The following IL36B variants were observed in gnomAD, a reference collection of about 807,000 sequenced individuals.
IL36B encodes interleukin 36 beta, also known as interleukin-36 beta.
A neutral mutation model predicts 19.3 loss-of-function variants in IL36B; 23 were observed. That is an observed-to-expected ratio of 1.19 (90% CI 0.86 to 1.69). The LOEUF is 1.69. Among genes scored for constraint, IL36B ranks in the 40% most tolerant of loss-of-function variants. IL36B has a pLI of 0.00. For synonymous variants in IL36B, 59 were observed against 59.7 expected, an observed-to-expected ratio of 0.99 and a Z score of 0.05; for missense variants, 217 against 200.5, an observed-to-expected ratio of 1.08 and a Z score of -0.50.
chr2:113,041,818 T>C (rs1406327327), intron 1 of IL36B, among the ~76,000 whole-genome samples: 2 of 152,162 alleles, frequency 1.3e-5, no homozygotes, highest in African/African-American at 4.8e-5. Flanking sequence ...ACAGGTGCAA[T>C]CACAGTGCAA....
intron 1 of IL36B, among the ~76,000 whole-genome samples, chr2:113,033,731 C>T (rs1685119397): frequency 6.6e-6 from 1 of 152,130 alleles, no homozygotes; most frequent in Admixed American, 6.5e-5. Context: ...ACTGCACTAG[C>T]CGGAACACAG....
At position 113,022,225 on chromosome 2, in the gene IL36B, T is replaced by A. The variant is rs1684874452; in HGVS notation, c.*449A>T. On this transcript the variant is annotated 3_prime_UTR_variant, in exon 6 of 6. Coordinates refer to ENST00000259213, the MANE Select transcript of IL36B (RefSeq NM_014438.5). Reference sequence around the variant, plus strand: ...AAACAGAGCGTTTCACTCCTCATGCTCTAGTGAATAATTGCACATTATGTA... The same window carrying A: ...AAACAGAGCGTTTCACTCCTCATGCACTAGTGAATAATTGCACATTATGTA... 1.3e-5 allele frequency: 2 copies of A among 153,782 alleles called. No homozygotes were observed. Among genetic ancestry groups the A allele is most frequent in the Non-Finnish European group, 2.9e-5 (2 of 69,152 alleles). The allele number at this position is 153,782 out of a possible 1,614,324, so 9.5% of individuals were successfully genotyped here. A position where few individuals can be genotyped will look rare whatever the true frequency, so the allele number is the denominator to read the frequency against.
chr2:113,027,065 T>C (rs976145039), intron 4 of IL36B, among the ~76,000 whole-genome samples: 4 of 152,208 alleles, frequency 2.6e-5, no homozygotes, highest in Non-Finnish European at 5.9e-5. Context: ...GTTATATGTA[T>C]TATATAATGT....
intron 4 of IL36B, among the ~76,000 whole-genome samples, chr2:113,027,230 A>G (rs1032392175): frequency 3.9e-5 from 6 of 152,094 alleles, no homozygotes; most frequent in Non-Finnish European, 7.4e-5. Flanking sequence ...AAGAGGAGGG[A>G]TTGTTTTTGC....
chr2:113,024,981 C>T (rs1573363697), intron 5 of IL36B, among the ~76,000 whole-genome samples: 1 of 152,274 alleles, frequency 6.6e-6, no homozygotes, highest in Middle Eastern at 3.4e-3. Context: ...TGGTGAATTT[C>T]CCTGGGCTCC....
intron 5 of IL36B, among the ~76,000 whole-genome samples, chr2:113,024,719 A>G (rs1684922374): frequency 6.6e-6 from 1 of 152,166 alleles, no homozygotes; most frequent in Admixed American, 6.5e-5. Context: ...TCTCTTGCTC[A>G]TGTTCAGTGC....
intron 1 of IL36B, among the ~76,000 whole-genome samples, chr2:113,036,369 T>TC (rs969331997): frequency 6.7e-6 from 1 of 149,894 alleles, no homozygotes; most frequent in Non-Finnish European, 1.5e-5. Flanking sequence ...TTTTTTTTTT[T>TC]CATGAAGTGG....
chr2:113,031,286 G>A, intron 2 of IL36B, 131 bp from the exon 3 acceptor site: 4 of 674,232 alleles, frequency 5.9e-6, no homozygotes, highest in Admixed American at 4.4e-5. Flanking sequence ...TGGCTATAAC[G>A]ATAAATGGAG....
intron 3 of IL36B, among the ~76,000 whole-genome samples, 169 bp downstream of exon 3, chr2:113,030,879 C>A (rs959863783): frequency 6.6e-6 from 1 of 152,090 alleles, no homozygotes; most frequent in Non-Finnish European, 1.5e-5. Flanking sequence ...ATGGGATTTC[C>A]TTTGTGGAAG....
At chr2:113,039,031 A>G (rs539108248) in intron 1 of IL36B, among the ~76,000 whole-genome samples, 2 of 152,080 alleles carry the variant, frequency 1.3e-5, no homozygotes, top group African/African-American at 4.8e-5. Context: ...TCTGTCCTTT[A>G]AGTTTAAGGG....
rs1685075791 is a variant in IL36B at position 113,031,522 on chromosome 2, T to A, written c.13+175A>T. ...ATAAACAAGCAATTCTAAATACAGATAATAATAAAAGAGCTAGGTGCCCCG... is the reference window on the plus strand; with the variant it reads ...ATAAACAAGCAATTCTAAATACAGAAAATAATAAAAGAGCTAGGTGCCCCG... On this transcript the variant is annotated intron_variant, in intron 2 of 5. Transcript: ENST00000259213. 2.0e-5 allele frequency among the ~76,000 whole-genome samples: 3 copies of A among 152,200 alleles called. No homozygotes were observed. In the South Asian group the frequency reaches 6.2e-4, roughly 32 times the overall value.
intron 1 of IL36B, among the ~76,000 whole-genome samples, chr2:113,043,246 T>C (rs1230255514): frequency 2.6e-5 from 4 of 152,170 alleles, no homozygotes; most frequent in Non-Finnish European, 5.9e-5. Flanking sequence ...CTTTTCATTC[T>C]CTGAATAGAA....
Position 113,039,439 on chromosome 2 carries a change from T to C in IL36B, c.-57-7673A>G, listed in dbSNP as rs1685209648. ...GTTTAGTTAAGTCAAGGAGAACTGA[T>C]AAAATAGAGTTTACAATATTACAGT... On this transcript the variant is annotated intron_variant, in intron 1 of 5. Transcript: ENST00000259213. Among the ~76,000 whole-genome samples the C allele has an allele frequency of 2.0e-5, 3 of 152,178 alleles. No individual in the cohort carries two copies. In the South Asian group the frequency reaches 6.2e-4, roughly 32 times the overall value.
intron 1 of IL36B, among the ~76,000 whole-genome samples, chr2:113,042,822 G>A (rs1573375426): frequency 2.6e-5 from 4 of 152,186 alleles, no homozygotes; most frequent in Admixed American, 2.6e-4. Context: ...TGGAATGGCT[G>A]GATCATAGGG....
intron 4 of IL36B, chr2:113,026,266 A>T (rs1684959759): frequency 6.2e-7 from 1 of 1,612,374 alleles, no homozygotes; most frequent in East Asian, 2.2e-5. Context: ...TTGCTGAGAT[A>T]ATACACTGCC....
At chr2:113,028,445 T>C (rs1191388833) in intron 4 of IL36B, among the ~76,000 whole-genome samples, 1 of 152,232 alleles carries the variant, frequency 6.6e-6, no homozygotes, top group Non-Finnish European at 1.5e-5. Context: ...TCTTGCTGCA[T>C]TCTCAACCTC....
intron 1 of IL36B, among the ~76,000 whole-genome samples, chr2:113,047,857 A>G (rs1180556480): frequency 6.6e-6 from 1 of 152,226 alleles, no homozygotes; most frequent in Admixed American, 6.5e-5. Flanking sequence ...ACCAATATAA[A>G]TATATAATGG....
intron 1 of IL36B, among the ~76,000 whole-genome samples, chr2:113,048,352 GA>G (rs1447598435): frequency 1.3e-5 from 2 of 152,192 alleles, no homozygotes; most frequent in African/African-American, 4.8e-5. Flanking sequence ...TGAGGCAGGA[GA>G]ATTGCTTGAA....
At chr2:113,045,461 T>C (rs906597265) in intron 1 of IL36B, among the ~76,000 whole-genome samples, 1 of 152,218 alleles carries the variant, frequency 6.6e-6, no homozygotes, top group South Asian at 2.1e-4. Flanking sequence ...TTTCTTCATA[T>C]TTCATGTGCA....
Sources: allele counts gnomAD v4.1 joint callset (sites outside exome capture counted in the v4.1 genomes callset), GRCh38; gene constraint gnomAD v4.1.1; transcripts MANE v1.5; gene names NCBI Gene and HGNC (gene_info 2026-07-23, HGNC 2026-07-21).